The following TGM7 variants were observed in gnomAD, a reference collection of about 807,000 sequenced individuals.
TGM7 encodes the protein protein-glutamine gamma-glutamyltransferase Z.
A neutral mutation model predicts 79.5 loss-of-function variants in TGM7; 74 were observed. That is an observed-to-expected ratio of 0.93 (90% CI 0.77 to 1.13). The LOEUF is 1.13. TGM7 is among the 50% of genes most tolerant of loss of function. The pLI, the probability that TGM7 is intolerant of heterozygous loss-of-function variation, is 0.00. For synonymous variants in TGM7, 354 were observed against 362.5 expected (o/e 0.98, Z 0.27); for missense variants, 912 against 905.9 (o/e 1.01, Z -0.09).
chr15:43,279,242 A>G lies in TGM7; in HGVS notation c.1714T>C (p.Tyr572His). 6.2e-7 allele frequency: 1 copy of G among 1,614,094 alleles called. No individual in the cohort carries two copies. The highest frequency in any genetic ancestry group is 1.7e-5 in the Admixed American group (1 of 59,998). Residue 572 changes from tyrosine (Y) to histidine (H), a missense_variant, in exon 11 of 13, where the codon TAC (tyrosine) becomes CAC (histidine). Physicochemically the swap from Tyr to His is moderately conservative, Grantham distance 83. Transcript: ENST00000452443. ...QWPLLLPYSN[Y>H]RNKLTDEKLI... Reference sequence around the variant, plus strand: ...TTTTCGTCCGTTAGCTTGTTTCTGTAATTGCTGTAGGGCAGGAGGAGCGGC... The same window carrying G: ...TTTTCGTCCGTTAGCTTGTTTCTGTGATTGCTGTAGGGCAGGAGGAGCGGC...
chr15:43,276,383 G>C lies in TGM7; in HGVS notation c.*72C>G, dbSNP rs1180208961. 1.3e-6 allele frequency: 2 copies of C among 1,536,100 alleles called. No homozygotes were observed. The highest frequency in any genetic ancestry group is 3.9e-5 in the Admixed American group (2 of 50,734). ...AGAGAGAGGACAGAGGTGGAGCCAA[G>C]ACGACATAGCCAGGAGTAGAAAGGA... is the stretch of plus-strand genomic sequence containing the variant. On this transcript the variant is annotated 3_prime_UTR_variant, in exon 13 of 13. Coordinates refer to ENST00000452443, the MANE Select transcript of TGM7 (RefSeq NM_052955.3).
At chr15:43,290,092 G>T (rs938335562) in intron 4 of TGM7, among the ~76,000 whole-genome samples, 1 of 152,102 alleles carries the variant, frequency 6.6e-6, no homozygotes, top group Admixed American at 6.6e-5. Context: ...GTCGATTTTG[G>T]CTTTTGTTGC....
chr15:43,287,600 C>T lies in TGM7; in HGVS notation c.628G>A (p.Ala210Thr), dbSNP rs774874392. 1 of 1,614,030 alleles carries T rather than the reference C, an allele frequency of 6.2e-7. No individual in the cohort carries two copies. Among genetic ancestry groups the T allele is most frequent in the East Asian group, 2.2e-5 (1 of 44,874 alleles). Residue 210 changes from alanine to threonine, a missense_variant, in exon 5 of 13, where the codon GCC becomes ACC. Transcript: ENST00000452443. ...NKSLYHLKNP[A>T]KDCSQRNDVV... The stretch of plus-strand genomic sequence containing the variant: ...TCGTTCCGCTGGGAACAGTCTTTGG[C>T]CGGGTTCTTTAAGTGATACAGGCTC...
At chr15:43,302,083 A>G in intron 1 of TGM7, 158 bp downstream of exon 1, 1 of 810,244 alleles carries the variant, frequency 1.2e-6, no homozygotes. Context: ...GTCCAAATGC[A>G]GATGGAGAAG....
chr15:43,296,096 A>T (rs1452715904), intron 1 of TGM7, among the ~76,000 whole-genome samples: 1 of 152,248 alleles, frequency 6.6e-6, no homozygotes, highest in African/African-American at 2.4e-5. Context: ...TTTTATGTGT[A>T]GCTAGGTCAT....
chr15:43,286,690 T>C (rs1208861835), intron 6 of TGM7, among the ~76,000 whole-genome samples: 1 of 152,266 alleles, frequency 6.6e-6, no homozygotes, highest in African/African-American at 2.4e-5. Flanking sequence ...TAACAGATTC[T>C]GGCCTTGCAA....
intron 4 of TGM7, among the ~76,000 whole-genome samples, chr15:43,288,929 A>C (rs1199722215): frequency 6.6e-6 from 1 of 152,192 alleles, no homozygotes; most frequent in Non-Finnish European, 1.5e-5. Context: ...ATCTCAAGAA[A>C]AAGAAAAAAA....
At chr15:43,283,620 G>C (rs1218809301) in intron 7 of TGM7, among the ~76,000 whole-genome samples, 1 of 152,104 alleles carries the variant, frequency 6.6e-6, no homozygotes, top group Non-Finnish European at 1.5e-5. Flanking sequence ...CCCCATTTTG[G>C]GCTTGTCTGA....
chr15:43,286,775 A>C (rs1332238069), intron 6 of TGM7, among the ~76,000 whole-genome samples: 1 of 152,196 alleles, frequency 6.6e-6, no homozygotes, highest in Non-Finnish European at 1.5e-5. Flanking sequence ...CTGAATTGTA[A>C]ATAATTGATA....
At chr15:43,277,324 G>C (rs1373540585) in intron 11 of TGM7, among the ~76,000 whole-genome samples, 1 of 152,234 alleles carries the variant, frequency 6.6e-6, no homozygotes, top group Non-Finnish European at 1.5e-5. Context: ...TAGGAAGGCT[G>C]TGTTAAAAGG....
chr15:43,282,448 C>T (rs2042914268), intron 8 of TGM7, 69 bp downstream of exon 8: 2 of 1,379,122 alleles, frequency 1.5e-6, no homozygotes, highest in Non-Finnish European at 2.0e-6. Context: ...TGGTCTCCTG[C>T]TCCCACGGCC....
rs1049703555 is a variant in TGM7 at position 43,279,875 on chromosome 15, G to A, written c.1428C>T (p.Phe476=). Residue 476 remains phenylalanine (F), a synonymous_variant, in exon 10 of 13, where the codon TTC becomes TTT. Transcript: ENST00000452443. ...MLGPQRASLP[F]LDLLESGGLR... is the part of the protein sequence containing the mutation. Reference sequence around the variant, plus strand: ...GACCCCCAGACTCCAGGAGATCCAGGAAGGGCAAAGAAGCTCTTTGGGGGC... The same window carrying A: ...GACCCCCAGACTCCAGGAGATCCAGAAAGGGCAAAGAAGCTCTTTGGGGGC... 2 of 1,614,102 alleles carry A rather than the reference G, an allele frequency of 1.2e-6. No individual in the cohort carries two copies. The highest frequency in any genetic ancestry group is 1.7e-5 in the Admixed American group (1 of 60,012).
At chr15:43,286,847 C>T (rs1167517548) in intron 6 of TGM7, among the ~76,000 whole-genome samples, 1 of 152,206 alleles carries the variant, frequency 6.6e-6, no homozygotes, top group Non-Finnish European at 1.5e-5. Context: ...ATAATGATAA[C>T]TGCTCAAGGA....
chr15:43,293,210 G>GCA (rs1433109089), intron 2 of TGM7, among the ~76,000 whole-genome samples: 3 of 152,154 alleles, frequency 2.0e-5, no homozygotes, highest in Admixed American at 2.0e-4. Context: ...TAAAGTTTTA[G>GCA]CACAGTGCTT....
intron 7 of TGM7, among the ~76,000 whole-genome samples, chr15:43,283,509 A>C (rs1287206164): frequency 6.6e-6 from 1 of 151,678 alleles, no homozygotes; most frequent in Non-Finnish European, 1.5e-5. Context: ...AGGGGTACAA[A>C]TGTAGTTTTG....
At chr15:43,282,680 G>T in intron 7 of TGM7, 60 bp from the exon 8 acceptor site, 1 of 1,281,524 alleles carries the variant, frequency 7.8e-7, no homozygotes, top group Non-Finnish European at 1.1e-6. Context: ...CAGGTACCAG[G>T]CACTATACGG....
At chr15:43,300,979 A>G (rs1445187635) in intron 1 of TGM7, among the ~76,000 whole-genome samples, 1 of 151,662 alleles carries the variant, frequency 6.6e-6, no homozygotes, top group Non-Finnish European at 1.5e-5. Flanking sequence ...TTATATCTCT[A>G]TTTTTATTTT....
chr15:43,284,766 G>C, intron 7 of TGM7, 48 bp downstream of exon 7: 1 of 1,600,858 alleles, frequency 6.2e-7, no homozygotes, highest in Non-Finnish European at 8.6e-7. Context: ...CAGTTTTTCT[G>C]CCCTCCCTGG....
intron 11 of TGM7, among the ~76,000 whole-genome samples, chr15:43,277,606 G>A (rs907784300): frequency 6.6e-6 from 1 of 152,214 alleles, no homozygotes; most frequent in Non-Finnish European, 1.5e-5. Context: ...TTCCAGGTGT[G>A]CTCAGTGCTG....
Sources: allele counts gnomAD v4.1 joint callset (sites outside exome capture counted in the v4.1 genomes callset), GRCh38; gene constraint gnomAD v4.1.1; transcripts MANE v1.5; gene names NCBI Gene and HGNC (gene_info 2026-07-23, HGNC 2026-07-21).